The following INTS10 variants were observed in gnomAD, a reference collection of about 807,000 sequenced individuals.
INTS10 encodes chromosome 8 open reading frame 35.
INTS10 carries 44 observed loss-of-function variants against 94.4 expected under a neutral mutation model. That is an observed-to-expected ratio of 0.47 (90% CI 0.37 to 0.60). The LOEUF is 0.60. Ranked by LOEUF, INTS10 falls within the 20% of genes least tolerant of loss-of-function variation. The pLI is 0.00. For missense variants in INTS10, 797 were observed against 868.7 expected (o/e 0.92, Z 1.04); for synonymous variants, 341 against 320.7 (o/e 1.06, Z -0.68).
rs541964805 is a variant in INTS10, at chr8:19,849,261, C to T, written c.1977-2388C>T. On this transcript the variant is annotated intron_variant, in intron 16 of 16. Coordinates refer to ENST00000397977, the MANE Select transcript of INTS10 (RefSeq NM_018142.4). The surrounding 1 kb of genome is among the most constrained non-coding windows in gnomAD (Gnocchi z 4.6). Reference sequence around the variant, plus strand: ...ACAGGTACCAAGTGGAATCAACGCCCGCTCATAGTGTGCTGTTTGTCAACA... The same window carrying T: ...ACAGGTACCAAGTGGAATCAACGCCTGCTCATAGTGTGCTGTTTGTCAACA... 23 of 1,247,778 alleles carry T rather than the reference C, an allele frequency of 1.8e-5. No individual in the cohort carries two copies. Among genetic ancestry groups the T allele is most frequent in the African/African-American group, 7.7e-5 (5 of 65,154 alleles). The allele number at this position is 1,247,778 out of a possible 1,614,324, so 77.3% of individuals were successfully genotyped here. A position where few individuals can be genotyped will look rare whatever the true frequency, so the allele number is the denominator to read the frequency against.
At chr8:19,825,123 T>C (rs1216661065) in intron 8 of INTS10, 151 bp downstream of exon 8, 3 of 656,778 alleles carry the variant, frequency 4.6e-6, no homozygotes, top group Non-Finnish European at 7.8e-6. Flanking sequence ...TTTTGTTTAG[T>C]TTGGCTTAAT....
Position 19,845,745 on chromosome 8 carries a change from G to T in INTS10, c.1924G>T (p.Glu642Ter). The change falls in exon 16 of 17, where the codon GAA (glutamate) becomes TAA (stop). Residue 642 changes from glutamate (E) to a stop codon, truncating the protein, a stop_gained. Transcript: ENST00000397977. LOFTEE classifies it high-confidence loss of function. ...LEEFAYLRTQ[E>*]GGKIHLELLP... is the part of the protein sequence containing the mutation. ...GGAATTTGCCTACTTGAGAACTCAG[G>T]AAGGTGGGAAAATTCATCTGGAATT... is the stretch of plus-strand genomic sequence containing the variant. 3 of 1,614,016 alleles carry T rather than the reference G, an allele frequency of 1.9e-6. No homozygotes were observed. Among genetic ancestry groups the T allele is most frequent in the Non-Finnish European group, 2.5e-6 (3 of 1,179,882 alleles).
At chr8:19,822,885 G>A (rs896476504) in intron 5 of INTS10, among the ~76,000 whole-genome samples, 1 of 151,910 alleles carries the variant, frequency 6.6e-6, no homozygotes, top group African/African-American at 2.4e-5. Context: ...GGGAGGCGGA[G>A]GTTGCAGTAA....
At chr8:19,842,771 A>G (rs2068233721) in intron 13 of INTS10, 77 bp from the exon 14 acceptor site, 8 of 868,168 alleles carry the variant, frequency 9.2e-6, no homozygotes, top group South Asian at 1.5e-5. Flanking sequence ...TAATGAAAGC[A>G]TCTTAAACAG....
At chr8:19,835,982 C>T (rs2067628672) in intron 12 of INTS10, among the ~76,000 whole-genome samples, 1 of 152,076 alleles carries the variant, frequency 6.6e-6, no homozygotes, top group Non-Finnish European at 1.5e-5. Flanking sequence ...ACATCACACA[C>T]TGGGGCCTGT....
chr8:19,851,562 C>A lies in INTS10; in HGVS notation c.1977-87C>A. 1.7e-6 allele frequency: 2 copies of A among 1,152,708 alleles called. No homozygotes were observed. Among genetic ancestry groups the A allele is most frequent in the Non-Finnish European group, 1.3e-6 (1 of 778,850 alleles). The allele number at this position is 1,152,708 out of a possible 1,614,324, so 71.4% of individuals were successfully genotyped here. ...TCTGAAATTATACTTAGATATGGGG[C>A]AGGCTTTATTCCTACCCAAGTAGCA... On this transcript the variant is annotated intron_variant, in intron 16 of 16. Transcript: ENST00000397977. This position sits in a 1 kb window ranked among gnomAD's most constrained non-coding sequence, Gnocchi z 5.0.
rs937271459 is a variant in INTS10 at position 19,823,448 on chromosome 8, A to G, written c.664+7A>G. The G allele has an allele frequency of 6.3e-7, 1 of 1,578,538 alleles. No individual in the cohort carries two copies. The highest frequency in any genetic ancestry group is 1.3e-5 in the African/African-American group (1 of 74,148). On this transcript the variant is annotated splice_region_variant and intron_variant, in intron 6 of 16. Coordinates refer to ENST00000397977, the MANE Select transcript of INTS10 (RefSeq NM_018142.4). ...ATAGAAAATCAGCATCAAGGTAAGTAGGAATACCCTGTACTTTTACTTAAA... is the reference window on the plus strand; with the variant it reads ...ATAGAAAATCAGCATCAAGGTAAGTGGGAATACCCTGTACTTTTACTTAAA...
chr8:19,835,648 T>C (rs868156301), intron 12 of INTS10, among the ~76,000 whole-genome samples: 1 of 152,160 alleles, frequency 6.6e-6, no homozygotes, highest in African/African-American at 2.4e-5. Flanking sequence ...GTGACATCGG[T>C]AGGTTACCTC....
intron 10 of INTS10, among the ~76,000 whole-genome samples, chr8:19,831,058 A>T (rs1269744880): frequency 6.6e-6 from 1 of 152,214 alleles, no homozygotes. Flanking sequence ...CTTTGAGTAT[A>T]CTGGGTATTT....
In INTS10 at chr8:19,817,638, G is replaced by T. The variant is rs767078694; in HGVS notation, c.101G>T (p.Ser34Ile). Residue 34 changes from serine to isoleucine, a missense_variant, in exon 1 of 17, where the codon AGC becomes ATC. Physicochemically the swap from Ser to Ile is moderately radical, Grantham distance 142 (BLOSUM62 -2). Coordinates refer to ENST00000397977, the MANE Select transcript of INTS10 (RefSeq NM_018142.4). ...AAGGCGTGGCTGATCACGGCCCGCA[G>T]CCTCTACCCGGCAGACTTTAACATC... is the stretch of plus-strand genomic sequence containing the variant. ...AAKAWLITAR[S>I]LYPADFNIQY... The T allele has an allele frequency of 3.4e-5, 54 of 1,607,334 alleles. 1 individual carries two copies. In the Admixed American group the frequency reaches 4.9e-4, roughly 15 times the overall value.
At chr8:19,839,652 T>C (rs2067960208) in intron 13 of INTS10, among the ~76,000 whole-genome samples, 1 of 152,064 alleles carries the variant, frequency 6.6e-6, no homozygotes, top group South Asian at 2.1e-4. Context: ...GAGCTATGAT[T>C]GTGTCACTGC....
rs2066456715 is a variant in INTS10 at position 19,822,514 on chromosome 8, T to C, written c.517T>C (p.Leu173=). ...ATCTCCAGTGAACTGCTTTAGAAAA[T>C]TATTTGGTAAGGAAAATTGTATTCT... ...QESPVNCFRK[L]FVCDVLPLII... Residue 173 remains leucine, a synonymous_variant, in exon 5 of 17, where the codon TTA becomes CTA. Transcript: ENST00000397977. 1.9e-6 allele frequency: 3 copies of C among 1,593,108 alleles called. No homozygotes were observed. In the East Asian group the frequency reaches 6.7e-5, roughly 36 times the overall value.
chr8:19,825,642 A>G (rs571023921), intron 8 of INTS10, among the ~76,000 whole-genome samples: 1 of 152,316 alleles, frequency 6.6e-6, no homozygotes, highest in South Asian at 2.1e-4. Flanking sequence ...TAGAGAGTAT[A>G]TGCATAAATA....
chr8:19,847,539 G>A (rs891529895), intron 16 of INTS10, among the ~76,000 whole-genome samples: 2 of 152,152 alleles, frequency 1.3e-5, no homozygotes, highest in African/African-American at 2.4e-5. Context: ...GTCACTATAC[G>A]AGTTAATATA....
At chr8:19,835,098 C>G (rs1390189352) in intron 12 of INTS10, among the ~76,000 whole-genome samples, 2 of 152,014 alleles carry the variant, frequency 1.3e-5, no homozygotes, top group African/African-American at 4.8e-5. Flanking sequence ...CCCTTAGACA[C>G]AAAACTTTCA....
chr8:19,845,338 CA>C (rs532839589), intron 15 of INTS10: 230 of 169,130 alleles, frequency 1.4e-3, no homozygotes, highest in Middle Eastern at 8.5e-3. Context: ...ATTAAGAAAA[CA>C]AAAAAATTTT....
rs922516550 is a variant in INTS10, at chr8:19,843,325, T to C, written c.1719+398T>C. Reference sequence around the variant, plus strand: ...AGATTAAGCATGTTAGGTGTTGAGATCAACACCAGTAACAGCCCAACAGTT... The same window carrying C: ...AGATTAAGCATGTTAGGTGTTGAGACCAACACCAGTAACAGCCCAACAGTT... On this transcript the variant is annotated intron_variant, in intron 14 of 16. Coordinates refer to ENST00000397977, the MANE Select transcript of INTS10 (RefSeq NM_018142.4). The surrounding 1 kb of genome is among the most constrained non-coding windows in gnomAD (Gnocchi z 4.7). Among the ~76,000 whole-genome samples, 6 of 152,164 alleles carry C rather than the reference T, an allele frequency of 3.9e-5. No homozygotes were observed. The highest frequency in any genetic ancestry group is 3.3e-4 in the Admixed American group (5 of 15,270).
At chr8:19,826,086 T>A (rs528949544) in intron 8 of INTS10, among the ~76,000 whole-genome samples, 113 of 152,276 alleles carry the variant, frequency 7.4e-4, no homozygotes, top group East Asian at 3.9e-4. Flanking sequence ...AAATTTTTTT[T>A]AATTTTATTT....
chr8:19,832,608 T>C (rs2067316947), intron 11 of INTS10, among the ~76,000 whole-genome samples: 1 of 152,150 alleles, frequency 6.6e-6, no homozygotes, highest in South Asian at 2.1e-4. Flanking sequence ...GACAAGCCTG[T>C]ACCTTCTGTG....
Sources: gnomAD v4.1 joint callset for allele counts (sites outside exome capture counted in the v4.1 genomes callset) on GRCh38, gnomAD v4.1.1 for gene constraint, Gnocchi (gnomAD v3.1) non-coding constraint, MANE v1.5 for transcripts, NCBI Gene and HGNC (gene_info 2026-07-23, HGNC 2026-07-21) for gene names.